DMD: variants seen among roughly 807,000 people sequenced by gnomAD.
DMD encodes mutant dystrophin.
A neutral mutation model predicts 330.1 loss-of-function variants in DMD; 63 were observed. The ratio of observed to expected loss-of-function variants is 0.19; its 90% confidence interval spans 0.16 to 0.24. The LOEUF is 0.24. Among genes scored for constraint, DMD ranks in the 10% least tolerant of loss-of-function variants. The probability of loss-of-function intolerance (pLI) is 1.00; values close to 1 mark genes in which losing one functional copy is unlikely to be tolerated. For synonymous variants in DMD, 1,223 were observed against 959.8 expected, an observed-to-expected ratio of 1.27 and a Z score of -5.07; for missense variants, 3,344 against 2,684.1, an observed-to-expected ratio of 1.25 and a Z score of -5.43.
chrX:32,178,828 GGGGTGTGTGTGT>G lies in DMD; in HGVS notation c.6438+38076_6438+38087del, dbSNP rs201227962. 2.8e-3 allele frequency among the ~76,000 whole-genome samples: 46 copies of G among 16,698 alleles called. No individual in the cohort carries two copies. The East Asian group carries it at 0.07, about 25-fold the overall frequency. The allele number at this position is 16,698 out of a possible 115,157, so 14.5% of individuals were successfully genotyped here. A position where few individuals can be genotyped will look rare whatever the true frequency, so the allele number is the denominator to read the frequency against. On this transcript the variant is annotated intron_variant, in intron 44 of 78. Coordinates refer to ENST00000357033, the MANE Select transcript of DMD (RefSeq NM_004006.3). ...TTTTTAAGGCTGAAAAATATTCCAG[GGGGTGTGTGTGT>G]GTGTGTGTGTGTGTGTGTGTGTGTA... is the stretch of plus-strand genomic sequence containing the variant.
intron 1 of DMD, among the ~76,000 whole-genome samples, chrX:33,069,403 G>T (rs1013429809): frequency 8.9e-6 from 1 of 111,798 alleles, no homozygotes; most frequent in East Asian, 2.8e-4. Context: ...GTTGCACAAT[G>T]AAATGACAAA....
intron 43 of DMD, among the ~76,000 whole-genome samples, chrX:32,286,561 G>T (rs1249058233): frequency 1.8e-5 from 2 of 111,477 alleles, no homozygotes; most frequent in African/African-American, 6.5e-5. Flanking sequence ...AAGGAGTCAG[G>T]GTTTCATTCT....
chrX:32,770,980 A>G (rs2073535625), intron 7 of DMD, among the ~76,000 whole-genome samples: 1 of 111,552 alleles, frequency 9.0e-6, no homozygotes, highest in African/African-American at 3.3e-5. Flanking sequence ...AAGCAGTTGA[A>G]TCCTGTGATG....
At chrX:31,282,430 T>C (rs16998171) in intron 62 of DMD, among the ~76,000 whole-genome samples, 5,343 of 110,898 alleles carry the variant, frequency 0.048, 367 homozygotes, top group African/African-American at 0.17. Flanking sequence ...TTCAAGATTC[T>C]CAATGCTATA....
chrX:32,485,565 TATA>T (rs1340741544), intron 20 of DMD, among the ~76,000 whole-genome samples: 1 of 109,053 alleles, frequency 9.2e-6, no homozygotes, highest in Non-Finnish European at 1.9e-5. Context: ...ATGTGTATAC[TATA>T]ATTATAAATA....
At chrX:33,047,554 T>C (rs1258294179) in intron 1 of DMD, among the ~76,000 whole-genome samples, 2 of 111,597 alleles carry the variant, frequency 1.8e-5, no homozygotes, top group East Asian at 5.6e-4. Context: ...GGTTGGACAG[T>C]ACCTTAGAAA....
At chrX:33,200,435 A>G (rs1047290263) in intron 1 of DMD, among the ~76,000 whole-genome samples, 1 of 111,297 alleles carries the variant, frequency 9.0e-6, no homozygotes, top group African/African-American at 3.3e-5. Context: ...ATAGACAGAA[A>G]GACAAAAAGA....
At chrX:32,253,868 C>T (rs529909740) in intron 43 of DMD, among the ~76,000 whole-genome samples, 2 of 110,636 alleles carry the variant, frequency 1.8e-5, no homozygotes, top group African/African-American at 6.6e-5. Flanking sequence ...ATAATCTGCC[C>T]GTCTCAGCCT....
At chrX:32,543,395 G>A (rs2048671708) in intron 17 of DMD, among the ~76,000 whole-genome samples, 1 of 110,158 alleles carries the variant, frequency 9.1e-6, no homozygotes, top group Admixed American at 9.7e-5. Flanking sequence ...TTTGAAGACA[G>A]AGATTGACAT....
At chrX:32,553,858 G>A (rs1033906379) in intron 16 of DMD, among the ~76,000 whole-genome samples, 1 of 111,692 alleles carries the variant, frequency 9.0e-6, no homozygotes, top group African/African-American at 3.3e-5. Context: ...CTCCTGATAA[G>A]AGTTCTCATG....
At chrX:33,089,833 G>T (rs1042716262) in intron 1 of DMD, among the ~76,000 whole-genome samples, 1 of 111,122 alleles carries the variant, frequency 9.0e-6, no homozygotes, top group Non-Finnish European at 1.9e-5. Flanking sequence ...GAAGCCTCTC[G>T]GGAGAAAAAT....
At chrX:33,326,253 TAA>T (rs548550204) in intron 1 of DMD, among the ~76,000 whole-genome samples, 5 of 96,106 alleles carry the variant, frequency 5.2e-5, no homozygotes, top group African/African-American at 3.8e-5. Context: ...AAGCAAAGGG[TAA>T]AAAAAAAAAA....
chrX:32,844,460 G>T (rs2080472715), intron 4 of DMD, among the ~76,000 whole-genome samples: 1 of 108,817 alleles, frequency 9.2e-6, no homozygotes, highest in African/African-American at 3.3e-5. Flanking sequence ...AAAAAGAAAA[G>T]CAAAGTAAGA....
intron 44 of DMD, among the ~76,000 whole-genome samples, chrX:32,088,722 T>C (rs1016344671): frequency 1.7e-4 from 18 of 103,957 alleles, no homozygotes; most frequent in Non-Finnish European, 3.3e-4. Context: ...AAACAGAAGT[T>C]CCATAATTAA....
intron 55 of DMD, among the ~76,000 whole-genome samples, chrX:31,560,734 A>G (rs1367395102): frequency 1.8e-5 from 2 of 111,136 alleles, no homozygotes; most frequent in African/African-American, 6.6e-5. Context: ...ATGAGAATGA[A>G]GACCTATATG....
intron 60 of DMD, among the ~76,000 whole-genome samples, chrX:31,398,588 C>T (rs919562324): frequency 2.7e-5 from 3 of 112,297 alleles, no homozygotes; most frequent in Non-Finnish European, 5.6e-5. Context: ...TGTGCCCAGC[C>T]AGGAGGAAGG....
At chrX:33,034,262 A>T (rs5928159) in intron 1 of DMD, among the ~76,000 whole-genome samples, 10,754 of 111,175 alleles carry the variant, frequency 0.097, 517 homozygotes, top group East Asian at 0.38. Context: ...AAAGTTTGTA[A>T]ATTGAAGACA....
chrX:32,350,196 T>C (rs2097776748), intron 37 of DMD, among the ~76,000 whole-genome samples: 1 of 111,313 alleles, frequency 9.0e-6, no homozygotes, highest in Non-Finnish European at 1.9e-5. Flanking sequence ...CAACTGCTTC[T>C]TCTCTAGCTC....
intron 52 of DMD, among the ~76,000 whole-genome samples, chrX:31,688,986 A>G (rs779182507): frequency 1.1e-4 from 12 of 111,918 alleles, no homozygotes; most frequent in Non-Finnish European, 2.1e-4. Flanking sequence ...AGTAAGAGCT[A>G]TTTATGACAA....
Sources: allele counts gnomAD v4.1 joint callset (sites outside exome capture counted in the v4.1 genomes callset), GRCh38; gene constraint gnomAD v4.1.1; transcripts MANE v1.5; gene names NCBI Gene and HGNC (gene_info 2026-07-23, HGNC 2026-07-21).